Variants in PTPRG observed in about 807,000 individuals in gnomAD.
PTPRG encodes protein tyrosine phosphatase receptor type G.
PTPRG carries 102 observed loss-of-function variants against 165.3 expected under a neutral mutation model. That is an observed-to-expected ratio of 0.62 (90% confidence interval 0.53 to 0.73). PTPRG has a LOEUF of 0.73. Ranked by LOEUF, PTPRG falls within the 30% of genes least tolerant of loss-of-function variation. The pLI, the probability that PTPRG is intolerant of heterozygous loss-of-function variation, is 0.00. For synonymous variants in PTPRG, 675 were observed against 669.5 expected, an observed-to-expected ratio of 1.01 and a Z score of -0.13; for missense variants, 1,866 against 1,861.4, an observed-to-expected ratio of 1.00 and a Z score of -0.05.
intron 12 of PTPRG, among the ~76,000 whole-genome samples, chr3:62,215,352 C>T (rs983376554): frequency 1.3e-5 from 2 of 152,146 alleles, no homozygotes; most frequent in Non-Finnish European, 2.9e-5. Flanking sequence ...TTTTGCTTGG[C>T]TTTTATGTAA....
chr3:61,963,003 G>A (rs1287708851), intron 2 of PTPRG, among the ~76,000 whole-genome samples: 1 of 152,098 alleles, frequency 6.6e-6, no homozygotes, highest in Admixed American at 6.6e-5. Context: ...CCATGTTGGT[G>A]AATTCTATAT....
At chr3:61,764,634 GT>G (rs1366421048) in intron 2 of PTPRG, among the ~76,000 whole-genome samples, 3 of 152,186 alleles carry the variant, frequency 2.0e-5, no homozygotes, top group Non-Finnish European at 1.5e-5. Flanking sequence ...ACTGAGCCTT[GT>G]GGCTATGTGA....
chr3:61,832,798 C>T (rs2036334586), intron 2 of PTPRG, among the ~76,000 whole-genome samples: 1 of 152,056 alleles, frequency 6.6e-6, no homozygotes, highest in South Asian at 2.1e-4. Flanking sequence ...TTGCTGCATC[C>T]ATCACTTGAG....
chr3:61,922,476 G>T (rs2039102031), intron 2 of PTPRG, among the ~76,000 whole-genome samples: 1 of 152,144 alleles, frequency 6.6e-6, no homozygotes, highest in Non-Finnish European at 1.5e-5. Flanking sequence ...GAATGTGTCT[G>T]TGTGAGTGTG....
chr3:62,206,566 C>T (rs1344166905), intron 12 of PTPRG, among the ~76,000 whole-genome samples: 6 of 152,044 alleles, frequency 3.9e-5, no homozygotes, highest in Admixed American at 3.9e-4. Context: ...TGAGGAGGCC[C>T]CCCACAGCCC....
chr3:62,161,638 A>C (rs1437039465), intron 7 of PTPRG, among the ~76,000 whole-genome samples: 1 of 152,174 alleles, frequency 6.6e-6, no homozygotes, highest in Non-Finnish European at 1.5e-5. Context: ...TTTCTTTGTT[A>C]ATTATGGTTA....
chr3:62,016,122 A>C (rs142281026), intron 4 of PTPRG, among the ~76,000 whole-genome samples: 1 of 152,146 alleles, frequency 6.6e-6, no homozygotes, highest in South Asian at 2.1e-4. Context: ...GTTAATAGAC[A>C]TAGAGTACTT....
At chr3:62,262,643 C>T (rs1015863887) in intron 16 of PTPRG, 155 bp from the exon 17 acceptor site, 71 of 493,506 alleles carry the variant, frequency 1.4e-4, no homozygotes, top group Non-Finnish European at 4.3e-5. Context: ...TTCATAAACT[C>T]GTTATAAATA....
chr3:61,868,234 A>T (rs1016647789), intron 2 of PTPRG, among the ~76,000 whole-genome samples: 1 of 152,152 alleles, frequency 6.6e-6, no homozygotes, highest in Non-Finnish European at 1.5e-5. Context: ...ACCCTGTTAG[A>T]TCTTATATCA....
At chr3:61,947,532 C>T (rs1004545001) in intron 2 of PTPRG, among the ~76,000 whole-genome samples, 6 of 152,010 alleles carry the variant, frequency 3.9e-5, no homozygotes, top group African/African-American at 1.2e-4. Flanking sequence ...GACTTGTATC[C>T]GTTAGGATTT....
intron 1 of PTPRG, among the ~76,000 whole-genome samples, chr3:61,714,996 T>C (rs899638849): frequency 6.6e-6 from 1 of 152,128 alleles, no homozygotes; most frequent in African/African-American, 2.4e-5. Context: ...TTGAAGTGTT[T>C]TGGAAGTTTA....
chr3:61,912,828 G>C (rs1466614382), intron 2 of PTPRG, among the ~76,000 whole-genome samples: 1 of 152,154 alleles, frequency 6.6e-6, no homozygotes. Flanking sequence ...TTACTGGCAG[G>C]AAACAGACTC....
chr3:62,108,313 T>C (rs1238493510), intron 5 of PTPRG, among the ~76,000 whole-genome samples: 2 of 152,136 alleles, frequency 1.3e-5, no homozygotes, highest in African/African-American at 2.4e-5. Context: ...TCTGTCCTTG[T>C]GATAGTTTGC....
At chr3:62,087,551 C>A (rs1431526408) in intron 5 of PTPRG, among the ~76,000 whole-genome samples, 1 of 152,102 alleles carries the variant, frequency 6.6e-6, no homozygotes, top group East Asian at 1.9e-4. Flanking sequence ...TCACTGGGAC[C>A]CCTCAAGGTA....
At chr3:62,103,628 T>G (rs1702369217) in intron 5 of PTPRG, among the ~76,000 whole-genome samples, 1 of 152,212 alleles carries the variant, frequency 6.6e-6, no homozygotes, top group Non-Finnish European at 1.5e-5. Flanking sequence ...GATCCTCTTT[T>G]CATTCTGATG....
intron 8 of PTPRG, among the ~76,000 whole-genome samples, chr3:62,183,203 T>C (rs979270608): frequency 6.6e-5 from 10 of 152,176 alleles, no homozygotes; most frequent in South Asian, 4.1e-4. Context: ...TTTGATGACA[T>C]AAGCTGTGAA....
intron 2 of PTPRG, among the ~76,000 whole-genome samples, chr3:61,866,922 C>T (rs1217762877): frequency 2.6e-5 from 4 of 152,228 alleles, no homozygotes; most frequent in South Asian, 4.2e-4. Context: ...ATTCTAACAA[C>T]GTCTGTGTTT....
chr3:62,185,884 G>A (rs1165825849), intron 8 of PTPRG, among the ~76,000 whole-genome samples: 1 of 152,192 alleles, frequency 6.6e-6, no homozygotes, highest in East Asian at 1.9e-4. Context: ...TGCGGACACA[G>A]GATTTGCATG....
chr3:61,776,068 A>G (rs567671327), intron 2 of PTPRG, among the ~76,000 whole-genome samples: 1 of 136,710 alleles, frequency 7.3e-6, no homozygotes, highest in East Asian at 2.2e-4. Context: ...CCTAAAACTT[A>G]AAGTATAATA....
Sources: gnomAD v4.1 joint callset for allele counts (sites outside exome capture counted in the v4.1 genomes callset) on GRCh38, gnomAD v4.1.1 for gene constraint, MANE v1.5 for transcripts, NCBI Gene and HGNC (gene_info 2026-07-23, HGNC 2026-07-21) for gene names.